HPSE2: variants seen among roughly 807,000 people sequenced by gnomAD.
HPSE2 encodes heparanase 2 (inactive).
Under a neutral mutation model 60.5 loss-of-function variants are expected in HPSE2, and 38 were observed. The observed-to-expected ratio is 0.63, with a 90% confidence interval of 0.48 to 0.82. The LOEUF (loss-of-function observed/expected upper bound fraction) is 0.82. Among genes scored for constraint, HPSE2 ranks in the 40% least tolerant of loss-of-function variants. HPSE2 has a pLI of 0.00. For missense variants in HPSE2, 713 were observed against 740.4 expected, an observed-to-expected ratio of 0.96 and a Z score of 0.43; for synonymous variants, 295 against 293.2, an observed-to-expected ratio of 1.01 and a Z score of -0.06.
chr10:98,645,265 G>A (rs1219777500), intron 6 of HPSE2, among the ~76,000 whole-genome samples: 6 of 152,232 alleles, frequency 3.9e-5, no homozygotes, highest in Admixed American at 3.9e-4. Context: ...CGTAGCTGGG[G>A]ATATAAGAAA....
the HPSE2 span, among the ~76,000 whole-genome samples, chr10:99,288,337 T>C: frequency 7.7e-4 from 117 of 152,318 alleles, no homozygotes; most frequent in Non-Finnish European, 1.5e-3. Flanking sequence ...TGTGTGATTT[T>C]ATGTTGTATA....
chr10:99,119,070 A>T (rs890592732), intron 3 of HPSE2, among the ~76,000 whole-genome samples: 1 of 130,452 alleles, frequency 7.7e-6, no homozygotes, highest in African/African-American at 2.8e-5. Flanking sequence ...AGAGAGAGAA[A>T]GAAAGAAAGA....
chr10:98,662,530 G>A (rs2134089765), intron 6 of HPSE2, among the ~76,000 whole-genome samples: 1 of 152,284 alleles, frequency 6.6e-6, no homozygotes, highest in Non-Finnish European at 1.5e-5. Context: ...ACAAAGAGGG[G>A]AACAGACACT....
In HPSE2 at chr10:98,595,736, A is replaced by G. The variant is rs112055933; in HGVS notation, c.1320+19168T>C. Among the ~76,000 whole-genome samples the G allele has an allele frequency of 4.3e-3, 653 of 152,202 alleles. 3 individuals carry two copies. The highest frequency in any genetic ancestry group is 0.015 in the African/African-American group (629 of 41,528). On this transcript the variant is annotated intron_variant, in intron 9 of 11. Coordinates refer to ENST00000370552, the MANE Select transcript of HPSE2 (RefSeq NM_021828.5). ...TGTCCTGGCTAGGACTTCCAATACT[A>G]TGTTGAGTAGAAATGGTGAGAGTGG...
At chr10:98,933,034 T>C (rs1954685187) in intron 3 of HPSE2, among the ~76,000 whole-genome samples, 1 of 144,140 alleles carries the variant, frequency 6.9e-6, no homozygotes, top group South Asian at 2.1e-4. Context: ...CTTGGTTCTC[T>C]AGTTATTTTA....
intron 3 of HPSE2, among the ~76,000 whole-genome samples, chr10:99,088,242 A>G (rs966699417): frequency 6.6e-6 from 1 of 152,110 alleles, no homozygotes; most frequent in Admixed American, 6.5e-5. Context: ...TTGGGGAAAC[A>G]GGTGGTATTT....
intron 3 of HPSE2, among the ~76,000 whole-genome samples, chr10:98,768,001 T>C (rs1472482227): frequency 6.6e-6 from 1 of 150,938 alleles, no homozygotes; most frequent in African/African-American, 2.4e-5. Flanking sequence ...GTTTATATAG[T>C]ATAAGTAAAA....
chr10:98,471,897 A>G (rs1413336730), intron 11 of HPSE2, among the ~76,000 whole-genome samples: 1 of 152,188 alleles, frequency 6.6e-6, no homozygotes, highest in African/African-American at 2.4e-5. Flanking sequence ...CTCCTTATAG[A>G]CAAAGAGTGG....
intron 9 of HPSE2, among the ~76,000 whole-genome samples, chr10:98,551,723 A>G (rs931364147): frequency 1.1e-4 from 16 of 152,266 alleles, no homozygotes; most frequent in African/African-American, 3.4e-4. Flanking sequence ...TGTGCTATCC[A>G]TATCTTTCTA....
intron 3 of HPSE2, among the ~76,000 whole-genome samples, chr10:98,782,964 A>T (rs1950515204): frequency 1.9e-5 from 2 of 107,694 alleles, no homozygotes; most frequent in African/African-American, 3.7e-5. Context: ...TTATACTCTA[A>T]GTTTTAGGGA....
At chr10:98,571,388 T>C (rs1325829313) in intron 9 of HPSE2, among the ~76,000 whole-genome samples, 1 of 152,154 alleles carries the variant, frequency 6.6e-6, no homozygotes, top group Non-Finnish European at 1.5e-5. Context: ...TGGGGGATCA[T>C]ACTGCACAGA....
rs565234884 is a variant in HPSE2 at position 98,492,931 on chromosome 10, T to C, written c.1321-2735A>G. 2.6e-5 allele frequency among the ~76,000 whole-genome samples: 4 copies of C among 152,342 alleles called. No individual in the cohort carries two copies. In the East Asian group the frequency reaches 7.7e-4, roughly 29 times the overall value. On this transcript the variant is annotated intron_variant, in intron 9 of 11. Coordinates refer to ENST00000370552, the MANE Select transcript of HPSE2 (RefSeq NM_021828.5). Reference sequence around the variant, plus strand: ...CATCACCACTGTCCATCTCTATAACTTGTCATCTTGTAAAACTGAAACTCT... The same window carrying C: ...CATCACCACTGTCCATCTCTATAACCTGTCATCTTGTAAAACTGAAACTCT...
chr10:99,295,357 T>C, the HPSE2 span, among the ~76,000 whole-genome samples: 2 of 150,364 alleles, frequency 1.3e-5, no homozygotes, highest in Non-Finnish European at 3.0e-5. Context: ...GGAGAATGAA[T>C]TATGGTATGT....
At chr10:99,207,428 C>T (rs1302970896) in intron 2 of HPSE2, among the ~76,000 whole-genome samples, 2 of 152,142 alleles carry the variant, frequency 1.3e-5, no homozygotes, top group Non-Finnish European at 2.9e-5. Context: ...AAGATGCTAA[C>T]TAGCAACACC....
At chr10:98,955,036 A>T (rs1420201129) in intron 3 of HPSE2, among the ~76,000 whole-genome samples, 1 of 150,152 alleles carries the variant, frequency 6.7e-6, no homozygotes, top group Admixed American at 6.7e-5. Flanking sequence ...AGACCTATTT[A>T]TATATATTAC....
chr10:99,196,796 G>T (rs1848415414), intron 2 of HPSE2, among the ~76,000 whole-genome samples: 1 of 152,126 alleles, frequency 6.6e-6, no homozygotes, highest in South Asian at 2.1e-4. Context: ...TGACCACTAT[G>T]GAGAAGAGTT....
chr10:98,533,351 A>ACTGGG, intron 9 of HPSE2, among the ~76,000 whole-genome samples: 1 of 152,364 alleles, frequency 6.6e-6, no homozygotes, highest in African/African-American at 2.4e-5. Flanking sequence ...CAGTTTGAAG[A>ACTGGG]TAGAATAATG....
chr10:99,014,362 C>A (rs1216581522), intron 3 of HPSE2, among the ~76,000 whole-genome samples: 1 of 152,160 alleles, frequency 6.6e-6, no homozygotes, highest in African/African-American at 2.4e-5. Context: ...TCATTCATGG[C>A]CACTTAGGTT....
At chr10:99,300,824 T>C in the HPSE2 span, among the ~76,000 whole-genome samples, 1 of 152,208 alleles carries the variant, frequency 6.6e-6, no homozygotes, top group South Asian at 2.1e-4. Context: ...AACCCAATGT[T>C]AATTATTCAT....
Sources: gnomAD v4.1 joint callset for allele counts (sites outside exome capture counted in the v4.1 genomes callset) on GRCh38, gnomAD v4.1.1 for gene constraint, MANE v1.5 for transcripts, NCBI Gene and HGNC (gene_info 2026-07-23, HGNC 2026-07-21) for gene names.